Variants in PARP4 observed in about 807,000 individuals in gnomAD.
PARP4 encodes poly(ADP-ribose) polymerase family member 4.
A neutral mutation model predicts 187.7 loss-of-function variants in PARP4; 120 were observed. That is an observed-to-expected ratio of 0.64 (90% confidence interval 0.55 to 0.74). The LOEUF is 0.74. PARP4 is among the 30% of genes least tolerant of loss of function. The probability of loss-of-function intolerance (pLI) is 0.00; values close to 1 mark genes in which losing one functional copy is unlikely to be tolerated. For synonymous variants in PARP4, 654 were observed against 740.9 expected, an observed-to-expected ratio of 0.88 and a Z score of 1.90; for missense variants, 1,836 against 2,070.5, an observed-to-expected ratio of 0.89 and a Z score of 2.20.
At chr13:24,428,260 CTT>C (rs1030569512) in intron 32 of PARP4, among the ~76,000 whole-genome samples, 46 of 152,310 alleles carry the variant, frequency 3.0e-4, no homozygotes, top group African/African-American at 7.9e-4. Flanking sequence ...CAGTTTTCCT[CTT>C]GTTTCTCAGG....
intron 12 of PARP4, among the ~76,000 whole-genome samples, chr13:24,480,881 T>C (rs1873242300): frequency 6.6e-6 from 1 of 152,224 alleles, no homozygotes; most frequent in Non-Finnish European, 1.5e-5. Flanking sequence ...CTAGCTAAGA[T>C]CATTGATGCA....
chr13:24,506,595 T>C lies in PARP4; in HGVS notation c.-1-2818A>G, dbSNP rs1477642186. Among the ~76,000 whole-genome samples, 4 of 152,318 alleles carry C rather than the reference T, an allele frequency of 2.6e-5. No individual in the cohort carries two copies. The East Asian group carries it at 7.7e-4, about 29-fold the overall frequency. On this transcript the variant is annotated intron_variant, in intron 1 of 33. Transcript: ENST00000381989. ...ACTAGATTAGCTAGACACAGAGCAC[T>C]GATTGGTGCATTTACAAACCTTGAG... is the stretch of plus-strand genomic sequence containing the variant.
At chr13:24,483,253 G>A (rs376465469) in intron 12 of PARP4, among the ~76,000 whole-genome samples, 1,610 of 151,500 alleles carry the variant, frequency 0.011, 40 homozygotes, top group African/African-American at 0.035. Context: ...TTGGGAGGCC[G>A]AGGCGGGTGG....
Position 24,460,004 on chromosome 13 carries a change from G to T in PARP4, c.2266C>A (p.Gln756Lys). The change falls in exon 18 of 34, where the codon CAA becomes AAA. Residue 756 changes from glutamine to lysine, a missense_variant. Physicochemically the swap from Gln to Lys is moderately conservative, Grantham distance 53. Around this residue, in one of 8 missense-constraint regions of PARP4, gnomAD observed 1,147 missense variants for 1,214.2 expected, o/e 0.94. Transcript: ENST00000381989. ...FFMPATVAPW[Q>K]QDKALNENLQ... ...TTTTCATTCAAAGCCTTGTCCTGTT[G>T]CCAGGGTGCTACGGTGGCGGGCATG... The T allele has an allele frequency of 6.2e-7, 1 of 1,614,068 alleles. No homozygotes were observed. Among genetic ancestry groups the T allele is most frequent in the Non-Finnish European group, 8.5e-7 (1 of 1,179,998 alleles).
chr13:24,505,003 C>CTTTTTT (rs34271210), intron 1 of PARP4, among the ~76,000 whole-genome samples: 9 of 129,754 alleles, frequency 6.9e-5, no homozygotes, highest in South Asian at 2.6e-4. Context: ...CACACCCCCG[C>CTTTTTT]TTTTTTTTTT....
In PARP4 at chr13:24,460,056, G is replaced by A; in HGVS notation, c.2214C>T (p.Ser738=). The change falls in exon 18 of 34, where the codon AGC becomes AGT. Residue 738 remains serine, a synonymous_variant. Coordinates refer to ENST00000381989, the MANE Select transcript of PARP4 (RefSeq NM_006437.4). ...AAAAGACACCAACAGTGCCCAGGAT[G>A]CTGAGTTCTGTGATGTAGGTAATTT... is the stretch of plus-strand genomic sequence containing the variant. The part of the protein sequence containing the change: ...LIKITYITEL[S]ILGTVGVFFM... 1 of 1,613,892 alleles carries A rather than the reference G, an allele frequency of 6.2e-7. No homozygotes were observed. The highest frequency in any genetic ancestry group is 2.2e-5 in the East Asian group (1 of 44,868).
intron 1 of PARP4, among the ~76,000 whole-genome samples, chr13:24,506,876 A>ATCC (rs1869721863): frequency 6.6e-6 from 1 of 152,166 alleles, no homozygotes; most frequent in East Asian, 1.9e-4. Flanking sequence ...CTCCTGCGGG[A>ATCC]CGCTCGTGCT....
chr13:24,484,376 C>T (rs995805251), intron 12 of PARP4, among the ~76,000 whole-genome samples: 1 of 152,004 alleles, frequency 6.6e-6, no homozygotes, highest in African/African-American at 2.4e-5. Flanking sequence ...TCTTGCTATG[C>T]TGCATAGGCT....
At chr13:24,431,029 T>A (rs1183958208) in intron 32 of PARP4, among the ~76,000 whole-genome samples, 1 of 152,142 alleles carries the variant, frequency 6.6e-6, no homozygotes, top group Non-Finnish European at 1.5e-5. Context: ...GGAGTCAAGG[T>A]CTCTAAATGA....
Position 24,494,482 on chromosome 13 carries a change from G to A in PARP4, c.741+91C>T, listed in dbSNP as rs2862906. ...CTGCTGGGATACAGGCATGAGCCAC[G>A]AAGCCTGGCCCAGTCTTTTATTTGT... is the stretch of plus-strand genomic sequence containing the variant. On this transcript the variant is annotated intron_variant, in intron 7 of 33. Coordinates refer to ENST00000381989, the MANE Select transcript of PARP4 (RefSeq NM_006437.4). 17 of 1,223,190 alleles carry A rather than the reference G, an allele frequency of 1.4e-5. No individual in the cohort carries two copies. In the Admixed American group the frequency reaches 2.4e-4, roughly 17 times the overall value. The allele number at this position is 1,223,190 out of a possible 1,614,324, so 75.8% of individuals were successfully genotyped here. A position where few individuals can be genotyped will look rare whatever the true frequency, so the allele number is the denominator to read the frequency against.
At chr13:24,486,856 G>A (rs1873586392) in intron 10 of PARP4, among the ~76,000 whole-genome samples, 1 of 151,876 alleles carries the variant, frequency 6.6e-6, no homozygotes, top group Non-Finnish European at 1.5e-5. Flanking sequence ...GGAGGCTGAG[G>A]CAGGAGAATC....
Position 24,459,089 on chromosome 13 carries a change from A to G in PARP4, c.2379T>C (p.Tyr793=), listed in dbSNP as rs1050107. The G allele has an allele frequency of 0.11, 176,782 of 1,604,222 alleles. 10,607 individuals are homozygous for G. The highest frequency in any genetic ancestry group is 0.15 in the African/African-American group (11,392 of 74,742). Residue 793 remains tyrosine, a synonymous_variant, in exon 20 of 34, where the codon TAT becomes TAC. Transcript: ENST00000381989. ...FSLTMSIEMP[Y]VIEFIFSDTH... is the part of the protein sequence containing the mutation. The stretch of plus-strand genomic sequence containing the variant: ...TATCACTGAAAATGAATTCAATCAC[A>G]TACGGCATCTCAATAGACATAGTCA...
intron 14 of PARP4, among the ~76,000 whole-genome samples, chr13:24,476,113 C>T (rs1261568338): frequency 2.0e-5 from 3 of 151,484 alleles, no homozygotes; most frequent in East Asian, 1.9e-4. Flanking sequence ...TTTTAAAGAC[C>T]CTTCAGCTTA....
intron 10 of PARP4, among the ~76,000 whole-genome samples, chr13:24,489,226 G>A (rs1299971132): frequency 1.3e-5 from 2 of 152,128 alleles, no homozygotes; most frequent in South Asian, 2.1e-4. Flanking sequence ...ATCATCTAAC[G>A]CAGGCTGCAT....
At chr13:24,460,178 T>C (rs1011265287) in intron 17 of PARP4, 42 bp from the exon 18 acceptor site, 3 of 1,542,928 alleles carry the variant, frequency 1.9e-6, no homozygotes, top group Non-Finnish European at 2.7e-6. Flanking sequence ...CTTGAAAGCA[T>C]ACCCATTATA....
chr13:24,491,008 C>G (rs1868611920), intron 9 of PARP4, among the ~76,000 whole-genome samples, 180 bp from the exon 10 acceptor site: 2 of 152,058 alleles, frequency 1.3e-5, no homozygotes, highest in Non-Finnish European at 2.9e-5. Context: ...GTGGCATGAC[C>G]ATAGCTCATT....
rs1489934667 is a variant in PARP4 at position 24,452,538 on chromosome 13, CTAAGA to C, written c.2877_2881del (p.Tyr959Ter). ...TGACCCTCGAGCAGGGTACAATAAG[CTAAGA>C]TATCGGAGTGTTTTCCAGAAGTCTG... On this transcript the variant is annotated stop_gained and frameshift_variant, in exon 24 of 34. Transcript: ENST00000381989. LOFTEE classifies it high-confidence loss of function. The C allele has an allele frequency of 1.2e-6, 2 of 1,614,098 alleles. No individual in the cohort carries two copies. The highest frequency in any genetic ancestry group is 1.7e-6 in the Non-Finnish European group (2 of 1,179,996).
chr13:24,468,192 A>T (rs1237143767), intron 17 of PARP4, among the ~76,000 whole-genome samples: 1 of 152,138 alleles, frequency 6.6e-6, no homozygotes, highest in Non-Finnish European at 1.5e-5. Flanking sequence ...GGCCTCGTGA[A>T]AACACCTGGT....
intron 24 of PARP4, chr13:24,451,928 G>A (rs553323121): frequency 5.7e-4 from 87 of 153,784 alleles, no homozygotes; most frequent in Non-Finnish European, 1.1e-3. Context: ...AAAGAGATGC[G>A]AAGGAGCAAA....
Sources: gnomAD v4.1 joint callset for allele counts (sites outside exome capture counted in the v4.1 genomes callset) on GRCh38, gnomAD v4.1.1 for gene constraint, gnomAD v4.1.1 regional missense constraint, MANE v1.5 for transcripts, NCBI Gene and HGNC (gene_info 2026-07-23, HGNC 2026-07-21) for gene names.